Variants in PDE4D observed in about 807,000 individuals in gnomAD.
PDE4D encodes 3',5'-cyclic-AMP phosphodiesterase 4D.
In PDE4D, 24 loss-of-function variants were observed where a neutral mutation model predicts 87.4. The ratio of observed to expected loss-of-function variants is 0.27; its 90% confidence interval spans 0.20 to 0.39. The LOEUF is 0.39. Ranked by LOEUF, PDE4D falls within the 10% of genes least tolerant of loss-of-function variation. The pLI is 1.00. For missense variants in PDE4D, 714 were observed against 1,041.0 expected (o/e 0.69, Z 4.32); for synonymous variants, 384 against 383.2 (o/e 1.00, Z -0.02).
At chr5:60,429,656 G>T (rs1338191198) in intron 1 of PDE4D, among the ~76,000 whole-genome samples, 1 of 152,084 alleles carries the variant, frequency 6.6e-6, no homozygotes, top group South Asian at 2.1e-4. Flanking sequence ...CTAGTTTTTT[G>T]AAGGTTTTTA....
At chr5:60,335,102 T>C (rs189196643) in intron 1 of PDE4D, 2 of 152,340 alleles carry the variant, frequency 1.3e-5, no homozygotes, top group African/African-American at 4.8e-5. Flanking sequence ...CTCCTTCCCA[T>C]GCTCCTTGCA....
At chr5:60,286,471 T>C (rs1752426143) in intron 1 of PDE4D, among the ~76,000 whole-genome samples, 1 of 151,710 alleles carries the variant, frequency 6.6e-6, no homozygotes, top group South Asian at 2.1e-4. Context: ...AATTGCCAAC[T>C]AGAGTAAGAT....
intron 1 of PDE4D, among the ~76,000 whole-genome samples, chr5:59,883,614 A>G (rs1749763771): frequency 6.6e-6 from 1 of 152,238 alleles, no homozygotes; most frequent in South Asian, 2.1e-4. Flanking sequence ...CATATCACAT[A>G]GCATCTTTTT....
intron 5 of PDE4D, among the ~76,000 whole-genome samples, chr5:59,106,751 A>T (rs1580824609): frequency 6.6e-6 from 1 of 152,158 alleles, no homozygotes; most frequent in African/African-American, 2.4e-5. Flanking sequence ...CAAGAATGAA[A>T]CTCCATCTCA....
At chr5:59,288,564 A>C (rs1767431970) in intron 1 of PDE4D, among the ~76,000 whole-genome samples, 3 of 152,080 alleles carry the variant, frequency 2.0e-5, no homozygotes, top group African/African-American at 7.2e-5. Flanking sequence ...AGACCTTCCT[A>C]AACCTAGAGA....
intron 11 of PDE4D, among the ~76,000 whole-genome samples, chr5:58,977,677 T>C (rs1042341445): frequency 6.6e-6 from 1 of 152,158 alleles, no homozygotes; most frequent in Non-Finnish European, 1.5e-5. Flanking sequence ...ATTCTTAGTA[T>C]CTATAACACA....
chr5:59,912,639 C>T (rs1404860323), intron 3 of PDE4D, among the ~76,000 whole-genome samples: 4 of 152,116 alleles, frequency 2.6e-5, no homozygotes, highest in Non-Finnish European at 5.9e-5. Context: ...CTTAGGCCCC[C>T]TCATGGTTTT....
At chr5:59,005,562 A>G (rs932557838) in intron 6 of PDE4D, among the ~76,000 whole-genome samples, 3 of 152,226 alleles carry the variant, frequency 2.0e-5, no homozygotes, top group Non-Finnish European at 2.9e-5. Flanking sequence ...AATTTAGAAG[A>G]GAAATTTGAA....
At chr5:60,224,414 T>C (rs949556176) in intron 1 of PDE4D, among the ~76,000 whole-genome samples, 1 of 152,142 alleles carries the variant, frequency 6.6e-6, no homozygotes, top group Non-Finnish European at 1.5e-5. Flanking sequence ...CCACGGGTCA[T>C]ATTTTTAAGA....
Position 59,619,903 on chromosome 5 carries a change from C to G in PDE4D, c.455+273265G>C, listed in dbSNP as rs1354215378. Among the ~76,000 whole-genome samples the G allele has an allele frequency of 2.0e-5, 3 of 152,092 alleles. No individual in the cohort carries two copies. In the South Asian group the frequency reaches 6.2e-4, roughly 32 times the overall value. On this transcript the variant is annotated intron_variant, in intron 1 of 14. Coordinates refer to ENST00000340635, the MANE Select transcript of PDE4D (RefSeq NM_001104631.2). ...GAGGAAGGCAGTAGGCAGAGGAGGA[C>G]CCATGAAAATTTGCTTTAGCACTGT...
At chr5:60,141,544 T>G (rs1425673400) in intron 2 of PDE4D, among the ~76,000 whole-genome samples, 1 of 152,146 alleles carries the variant, frequency 6.6e-6, no homozygotes, top group Non-Finnish European at 1.5e-5. Flanking sequence ...GCTTTAGGAC[T>G]CTTCGGTGAG....
intron 1 of PDE4D, among the ~76,000 whole-genome samples, chr5:60,512,458 A>C (rs1215282977): frequency 1.3e-5 from 2 of 152,184 alleles, no homozygotes; most frequent in African/African-American, 4.8e-5. Flanking sequence ...AGATGTAAAA[A>C]TACTTTATAC....
At position 59,153,005 on chromosome 5, in the gene PDE4D, TG is replaced by T. The variant is rs373594187; in HGVS notation, c.808+27589del. On this transcript the variant is annotated intron_variant, in intron 5 of 14. Transcript: ENST00000340635. ...GAGAAAGAGATCAGAGATCTATTCT[TG>T]CATAGGGGTGGGGAGGTAGAATGAA... is the stretch of plus-strand genomic sequence containing the variant. Among the ~76,000 whole-genome samples, 236 of 152,214 alleles carry T rather than the reference TG, an allele frequency of 1.6e-3. 2 individuals carry two copies. The highest frequency in any genetic ancestry group is 5.4e-3 in the African/African-American group (224 of 41,514).
intron 3 of PDE4D, among the ~76,000 whole-genome samples, chr5:59,925,466 G>A (rs2152782492): frequency 6.6e-6 from 1 of 152,140 alleles, no homozygotes; most frequent in South Asian, 2.1e-4. Context: ...GAAGAAAGAA[G>A]AAAACAAAGC....
chr5:59,933,028 T>C (rs1011190950), intron 3 of PDE4D, among the ~76,000 whole-genome samples: 4 of 152,044 alleles, frequency 2.6e-5, no homozygotes, highest in Non-Finnish European at 5.9e-5. Flanking sequence ...GACTCAGAAG[T>C]TTTGAGGTGG....
intron 1 of PDE4D, among the ~76,000 whole-genome samples, chr5:60,379,357 G>A (rs1038079144): frequency 5.3e-5 from 8 of 152,098 alleles, no homozygotes; most frequent in South Asian, 4.2e-4. Flanking sequence ...TCTTATTTCC[G>A]GTATATTTTT....
At chr5:58,998,484 A>C (rs1749726060) in intron 6 of PDE4D, among the ~76,000 whole-genome samples, 1 of 152,180 alleles carries the variant, frequency 6.6e-6, no homozygotes, top group South Asian at 2.1e-4. Context: ...ATGGAAGTCT[A>C]TATATTTTAA....
rs534151461 is a variant in PDE4D, at chr5:59,313,625, T to C, written c.456-97657A>G. Among the ~76,000 whole-genome samples the C allele has an allele frequency of 5.4e-4, 82 of 152,242 alleles. 1 individual carries two copies. In the South Asian group the frequency reaches 0.016, roughly 29 times the overall value. On this transcript the variant is annotated intron_variant, in intron 1 of 14. Transcript: ENST00000340635. The stretch of plus-strand genomic sequence containing the variant: ...CCTCCATAAAGCTTGCACAACAATA[T>C]GCAGTACAAACCTTAACCTTCCTAG...
chr5:59,469,791 T>C (rs1802163995), intron 1 of PDE4D, among the ~76,000 whole-genome samples: 2 of 152,024 alleles, frequency 1.3e-5, no homozygotes, highest in South Asian at 4.2e-4. Context: ...GGAGAGAACA[T>C]CCACGTGCTG....
Sources: allele counts gnomAD v4.1 joint callset (sites outside exome capture counted in the v4.1 genomes callset), GRCh38; gene constraint gnomAD v4.1.1; transcripts MANE v1.5; gene names NCBI Gene and HGNC (gene_info 2026-07-23, HGNC 2026-07-21).